The following GALNTL6 variants were observed in gnomAD, a reference collection of about 807,000 sequenced individuals.
GALNTL6 encodes the protein polypeptide N-acetylgalactosaminyltransferase-like 6.
Under a neutral mutation model 73.7 loss-of-function variants are expected in GALNTL6, and 46 were observed. The observed-to-expected ratio is 0.62, with a 90% CI of 0.49 to 0.80. The LOEUF (loss-of-function observed/expected upper bound fraction) is 0.80. Among genes scored for constraint, GALNTL6 ranks in the 30% least tolerant of loss-of-function variants. The pLI is 0.00. For missense variants in GALNTL6, 604 were observed against 755.0 expected, an observed-to-expected ratio of 0.80 and a Z score of 2.34; for synonymous variants, 259 against 263.7, an observed-to-expected ratio of 0.98 and a Z score of 0.17.
rs143597209 is a variant in GALNTL6 at position 172,878,066 on chromosome 4, A to C, written c.924-4724A>C. Among the ~76,000 whole-genome samples the C allele has an allele frequency of 2.5e-3, 383 of 152,162 alleles. 1 individual carries two copies. The highest frequency in any genetic ancestry group is 0.01 in the Middle Eastern group (3 of 294). On this transcript the variant is annotated intron_variant, in intron 7 of 12. Coordinates refer to ENST00000506823, the MANE Select transcript of GALNTL6 (RefSeq NM_001034845.3). ...ATTAATATTATATTTTAAGCGAAAGACTGGTAGAACATGCTCAAAATAATA... is the reference window on the plus strand; with the variant it reads ...ATTAATATTATATTTTAAGCGAAAGCCTGGTAGAACATGCTCAAAATAATA...
At chr4:172,254,317 G>C (rs1335893614) in intron 3 of GALNTL6, among the ~76,000 whole-genome samples, 1 of 151,798 alleles carries the variant, frequency 6.6e-6, no homozygotes, top group Non-Finnish European at 1.5e-5. Context: ...CAAAAAAGTA[G>C]TGTATATGAT....
intron 2 of GALNTL6, among the ~76,000 whole-genome samples, chr4:172,091,100 T>C (rs969691047): frequency 1.3e-5 from 2 of 152,054 alleles, no homozygotes; most frequent in South Asian, 4.1e-4. Context: ...CTACAGTAAT[T>C]ACAAGTTTCT....
In GALNTL6 at chr4:172,397,537, C is replaced by G. The variant is rs186557297; in HGVS notation, c.553+48848C>G. On this transcript the variant is annotated intron_variant, in intron 5 of 12. Coordinates refer to ENST00000506823, the MANE Select transcript of GALNTL6 (RefSeq NM_001034845.3). ...GTTGTAATAAAAAATGGATTTAACT[C>G]TCCTAGAAATAAGTATCTCATTTAT... Among the ~76,000 whole-genome samples the G allele has an allele frequency of 2.5e-3, 375 of 150,846 alleles. 2 individuals carry two copies. Among genetic ancestry groups the G allele is most frequent in the Non-Finnish European group, 3.6e-3 (244 of 67,784 alleles).
At chr4:172,630,074 C>T (rs1293448673) in intron 5 of GALNTL6, among the ~76,000 whole-genome samples, 3 of 152,150 alleles carry the variant, frequency 2.0e-5, no homozygotes, top group Non-Finnish European at 4.4e-5. Flanking sequence ...CAATTTTTTT[C>T]ATCACTGAGA....
In GALNTL6 at chr4:172,487,512, G is replaced by A. The variant is rs1242450817; in HGVS notation, c.553+138823G>A. On this transcript the variant is annotated intron_variant, in intron 5 of 12. Coordinates refer to ENST00000506823, the MANE Select transcript of GALNTL6 (RefSeq NM_001034845.3). Reference sequence around the variant, plus strand: ...AGCGATTCTCTTGCCTTAGCCTCTCGAGTAGCTGGGACTACAGGTGTGGGC... The same window carrying A: ...AGCGATTCTCTTGCCTTAGCCTCTCAAGTAGCTGGGACTACAGGTGTGGGC... Among the ~76,000 whole-genome samples, 5 of 151,330 alleles carry A rather than the reference G, an allele frequency of 3.3e-5. No homozygotes were observed. The East Asian group carries it at 7.7e-4, about 23-fold the overall frequency.
At chr4:173,014,280 A>G (rs1752684708) in intron 11 of GALNTL6, among the ~76,000 whole-genome samples, 1 of 152,264 alleles carries the variant, frequency 6.6e-6, no homozygotes, top group Admixed American at 6.5e-5. Flanking sequence ...TCAAGAAAGA[A>G]AAACAAAAAT....
intron 2 of GALNTL6, among the ~76,000 whole-genome samples, chr4:172,184,090 G>A (rs369236220): frequency 2.0e-5 from 3 of 152,074 alleles, no homozygotes; most frequent in Non-Finnish European, 4.4e-5. Context: ...GCATCCGGCC[G>A]CAGACTATTT....
At chr4:172,051,736 C>T (rs1730877935) in intron 2 of GALNTL6, among the ~76,000 whole-genome samples, 1 of 152,112 alleles carries the variant, frequency 6.6e-6, no homozygotes, top group South Asian at 2.1e-4. Context: ...AACTTTTGGG[C>T]ATGAAAATAG....
chr4:172,559,300 G>A (rs375865172), intron 5 of GALNTL6, among the ~76,000 whole-genome samples: 1 of 151,784 alleles, frequency 6.6e-6, no homozygotes, highest in East Asian at 1.9e-4. Context: ...TCCTGATCTC[G>A]TGATCCACCC....
chr4:172,481,343 C>T (rs780398936), intron 5 of GALNTL6, among the ~76,000 whole-genome samples: 2 of 126,466 alleles, frequency 1.6e-5, no homozygotes, highest in South Asian at 2.5e-4. Flanking sequence ...AAAGGCAGTG[C>T]GGACCCAAAG....
intron 5 of GALNTL6, among the ~76,000 whole-genome samples, chr4:172,363,184 G>A (rs989791503): frequency 6.6e-6 from 1 of 151,958 alleles, no homozygotes; most frequent in Non-Finnish European, 1.5e-5. Flanking sequence ...GCTTCACATG[G>A]CATATATTTA....
In GALNTL6 at chr4:171,838,853, G is replaced by A. The variant is rs187805461; in HGVS notation, c.138+24135G>A. ...CAGTAAGGAATATGCTAGGTCAGGC[G>A]AGTAAAGGAAACACAAGGACGGTTG... On this transcript the variant is annotated intron_variant, in intron 2 of 12. Coordinates refer to ENST00000506823, the MANE Select transcript of GALNTL6 (RefSeq NM_001034845.3). Among the ~76,000 whole-genome samples the A allele has an allele frequency of 8.5e-5, 13 of 152,262 alleles. No individual in the cohort carries two copies. In the South Asian group the frequency reaches 1.5e-3, roughly 17 times the overall value.
chr4:171,886,699 A>G (rs1217732954), intron 2 of GALNTL6, among the ~76,000 whole-genome samples: 1 of 152,190 alleles, frequency 6.6e-6, no homozygotes, highest in Non-Finnish European at 1.5e-5. Context: ...GGGAAACTCC[A>G]GTCAAGGAAG....
intron 5 of GALNTL6, among the ~76,000 whole-genome samples, chr4:172,403,804 G>T (rs1508260): frequency 0.22 from 33,346 of 151,794 alleles, 3,938 homozygotes; most frequent in East Asian, 0.36. Flanking sequence ...TCAGTCTATT[G>T]TAAGCCACTG....
chr4:172,528,487 A>T (rs1579157195), intron 5 of GALNTL6, among the ~76,000 whole-genome samples: 1 of 151,058 alleles, frequency 6.6e-6, no homozygotes, highest in African/African-American at 2.4e-5. Context: ...CCTCCCAAGT[A>T]GCTGGGACTA....
At chr4:172,443,363 A>G (rs551399146) in intron 5 of GALNTL6, among the ~76,000 whole-genome samples, 4 of 151,146 alleles carry the variant, frequency 2.6e-5, no homozygotes, top group Non-Finnish European at 5.9e-5. Context: ...ACGGGTTTTT[A>G]CCATGTTGGC....
intron 2 of GALNTL6, among the ~76,000 whole-genome samples, chr4:171,826,653 C>G (rs76108886): frequency 0.032 from 4,871 of 152,192 alleles, 121 homozygotes; most frequent in South Asian, 0.056. Flanking sequence ...TTCAAAGCCG[C>G]ATATCATTAG....
chr4:172,794,551 C>G (rs1174175743), intron 5 of GALNTL6, among the ~76,000 whole-genome samples: 1 of 152,164 alleles, frequency 6.6e-6, no homozygotes, highest in African/African-American at 2.4e-5. Context: ...AGAAGAGGGC[C>G]AAATTATATT....
At chr4:172,911,420 G>A (rs570304282) in intron 8 of GALNTL6, among the ~76,000 whole-genome samples, 7 of 152,278 alleles carry the variant, frequency 4.6e-5, no homozygotes, top group Admixed American at 2.0e-4. Flanking sequence ...TTCTGAGCTT[G>A]CAAAGTAAGT....
Sources: gnomAD v4.1 joint callset for allele counts (sites outside exome capture counted in the v4.1 genomes callset) on GRCh38, gnomAD v4.1.1 for gene constraint, MANE v1.5 for transcripts, NCBI Gene and HGNC (gene_info 2026-07-23, HGNC 2026-07-21) for gene names.